Variants in STAT3 observed in about 807,000 individuals in gnomAD.
The protein encoded by STAT3 is DNA-binding protein APRF.
A neutral mutation model predicts 114.3 loss-of-function variants in STAT3; 7 were observed. The observed-to-expected ratio is 0.06, with a 90% confidence interval of 0.03 to 0.11. The LOEUF (loss-of-function observed/expected upper bound fraction) is 0.11. STAT3 is among the 10% of genes least tolerant of loss of function. The pLI, the probability that STAT3 is intolerant of heterozygous loss-of-function variation, is 1.00. For synonymous variants in STAT3, 331 were observed against 354.5 expected (o/e 0.93, Z 0.74); for missense variants, 364 against 960.9 (o/e 0.38, Z 8.21).
chr17:42,329,140 A>G (rs2144761171), intron 14 of STAT3, among the ~76,000 whole-genome samples: 1 of 152,238 alleles, frequency 6.6e-6, no homozygotes, highest in East Asian at 1.9e-4. Flanking sequence ...TTTATACCAC[A>G]TGGGTGTGGA....
chr17:42,340,355 CAA>C (rs10706259), intron 4 of STAT3, among the ~76,000 whole-genome samples: 207 of 117,008 alleles, frequency 1.8e-3, no homozygotes, highest in African/African-American at 4.2e-3. Context: ...AACTCCATCT[CAA>C]AAAAAAAAAA....
At chr17:42,340,120 G>A (rs1182993531) in intron 4 of STAT3, among the ~76,000 whole-genome samples, 1 of 152,136 alleles carries the variant, frequency 6.6e-6, no homozygotes, top group Non-Finnish European at 1.5e-5. Flanking sequence ...CACTTTGGGA[G>A]GCCAAGGTGG....
rs371933640 is a variant in STAT3 at position 42,384,132 on chromosome 17, A to ATT, written c.-24+4145_-24+4146dup. Reference sequence around the variant, plus strand: ...GTTTTATTTATTTATTTATTTATTTATTTTTTTTTTTTTTGAGACGGAGTC... The same window carrying ATT: ...GTTTTATTTATTTATTTATTTATTTATTTTTTTTTTTTTTTTGAGACGGAGTC... On this transcript the variant is annotated intron_variant, in intron 1 of 23. Coordinates refer to ENST00000264657, the MANE Select transcript of STAT3 (RefSeq NM_139276.3). Among the ~76,000 whole-genome samples the ATT allele has an allele frequency of 1.7e-3, 225 of 134,936 alleles. 1 individual carries two copies. Among genetic ancestry groups the ATT allele is most frequent in the East Asian group, 5.7e-3 (24 of 4,236 alleles). 88.5% of individuals were successfully genotyped at this position (134,936 alleles called of 152,430 possible). A position where few individuals can be genotyped will look rare whatever the true frequency, so the allele number is the denominator to read the frequency against.
intron 1 of STAT3, among the ~76,000 whole-genome samples, chr17:42,376,077 G>T (rs2084437277): frequency 6.6e-6 from 1 of 151,820 alleles, no homozygotes; most frequent in Admixed American, 6.6e-5. Flanking sequence ...CTGGAACCTG[G>T]GAGGTGGAGG....
In STAT3 at chr17:42,354,668, G is replaced by A. The variant is rs192689229; in HGVS notation, c.-23-6129C>T. On this transcript the variant is annotated intron_variant, in intron 1 of 23. Coordinates refer to ENST00000264657, the MANE Select transcript of STAT3 (RefSeq NM_139276.3). ...CTAAAAATTCAAAAATTAGCCAGGC[G>A]TGGTGGTGGGCGCCTGTAGTCTCAG... 3.4e-3 allele frequency among the ~76,000 whole-genome samples: 515 copies of A among 151,170 alleles called. 3 individuals are homozygous for A. Among genetic ancestry groups the A allele is most frequent in the African/African-American group, 0.012 (478 of 41,286 alleles).
intron 1 of STAT3, among the ~76,000 whole-genome samples, chr17:42,377,603 T>G (rs1374019882): frequency 6.6e-6 from 1 of 152,050 alleles, no homozygotes; most frequent in African/African-American, 2.4e-5. Flanking sequence ...TGGGAAAGAG[T>G]CCCAAGGATA....
At chr17:42,349,196 C>T (rs149780362) in intron 1 of STAT3, among the ~76,000 whole-genome samples, 37 of 152,280 alleles carry the variant, frequency 2.4e-4, no homozygotes, top group African/African-American at 7.9e-4. Context: ...TGACAAGTGG[C>T]TATTATGCCA....
intron 5 of STAT3, 119 bp downstream of exon 5, chr17:42,339,195 G>A (rs1465862153): frequency 2.7e-5 from 26 of 956,344 alleles, no homozygotes; most frequent in Non-Finnish European, 3.2e-5. Flanking sequence ...GGTCGAGGCT[G>A]CAGTGAGCTG....
chr17:42,375,602 G>C (rs2084404564), intron 1 of STAT3, among the ~76,000 whole-genome samples: 1 of 152,112 alleles, frequency 6.6e-6, no homozygotes, highest in South Asian at 2.1e-4. Flanking sequence ...GCTGAGGCAG[G>C]CAGATCTCCT....
rs576646181 is a variant in STAT3 at position 42,355,896 on chromosome 17, G to C, written c.-23-7357C>G. On this transcript the variant is annotated intron_variant, in intron 1 of 23. Transcript: ENST00000264657. ...TAGTGGATTTACAACGAGGGTGAGG[G>C]AAGGCGGAAAGAGAGACGAAAATCA... Among the ~76,000 whole-genome samples, 4 of 152,334 alleles carry C rather than the reference G, an allele frequency of 2.6e-5. No homozygotes were observed. In the East Asian group the frequency reaches 7.7e-4, roughly 29 times the overall value.
chr17:42,339,940 G>C (rs2082371460), intron 4 of STAT3, among the ~76,000 whole-genome samples: 1 of 152,076 alleles, frequency 6.6e-6, no homozygotes, highest in Admixed American at 6.6e-5. Flanking sequence ...TGAAGTGGGA[G>C]GACTGCTTGA....
intron 1 of STAT3, among the ~76,000 whole-genome samples, chr17:42,370,348 C>T (rs147965988): frequency 0.061 from 9,254 of 151,690 alleles, 339 homozygotes; most frequent in Non-Finnish European, 0.074. Flanking sequence ...CAGGTTCAAG[C>T]GATTCTCCTG....
At position 42,334,079 on chromosome 17, in the gene STAT3, A is replaced by G. The variant is rs774237830; in HGVS notation, c.798-30T>C. On this transcript the variant is annotated intron_variant, in intron 8 of 23. Coordinates refer to ENST00000264657, the MANE Select transcript of STAT3 (RefSeq NM_139276.3). ...CAATAAATTAAGAAAGATGCTAATT[A>G]CCAAAGTGAATGTATACAGGTGAGA... 17 of 1,613,358 alleles carry G rather than the reference A, an allele frequency of 1.1e-5. 1 individual carries two copies. In the East Asian group the frequency reaches 3.8e-4, roughly 36 times the overall value.
At chr17:42,363,188 C>T (rs985892683) in intron 1 of STAT3, among the ~76,000 whole-genome samples, 4 of 152,140 alleles carry the variant, frequency 2.6e-5, no homozygotes, top group South Asian at 2.1e-4. Context: ...GAGGACACTG[C>T]GCCCAATTAG....
chr17:42,324,923 A>G lies in STAT3; in HGVS notation c.1464+40T>C, dbSNP rs1264279909. 6.2e-7 allele frequency: 1 copy of G among 1,614,152 alleles called. No individual in the cohort carries two copies. The highest frequency in any genetic ancestry group is 1.7e-5 in the Admixed American group (1 of 60,010). On this transcript the variant is annotated intron_variant, in intron 16 of 23. Transcript: ENST00000264657. This position sits in a 1 kb window ranked among gnomAD's most constrained non-coding sequence, Gnocchi z 4.5. The stretch of plus-strand genomic sequence containing the variant: ...CTATACTAGGTACCCCTAAGTCGCA[A>G]GAGATCCCGGGGCACCAACTAAAAG...
chr17:42,368,160 G>A (rs1215779118), intron 1 of STAT3, among the ~76,000 whole-genome samples: 1 of 151,984 alleles, frequency 6.6e-6, no homozygotes, highest in Non-Finnish European at 1.5e-5. Flanking sequence ...AACATAGGAA[G>A]ACCCCATCTC....
rs2085231826 is a variant in STAT3, at chr17:42,388,376, G to A, written c.-121C>T. Reference sequence around the variant, plus strand: ...CCGAAGGGCCTCTCCGAGCCGAGGGGGAGAGACAGCGCCAAGCCGGGGTGC... The same window carrying A: ...CCGAAGGGCCTCTCCGAGCCGAGGGAGAGAGACAGCGCCAAGCCGGGGTGC... On this transcript the variant is annotated 5_prime_UTR_variant, in exon 1 of 24. Transcript: ENST00000264657. 1 of 1,231,546 alleles carries A rather than the reference G, an allele frequency of 8.1e-7. No homozygotes were observed. Among genetic ancestry groups the A allele is most frequent in the Non-Finnish European group, 1.0e-6 (1 of 987,918 alleles). The allele number at this position is 1,231,546 out of a possible 1,614,324, so 76.3% of individuals were successfully genotyped here.
chr17:42,383,961 T>C lies in STAT3; in HGVS notation c.-24+4318A>G, dbSNP rs544929576. The stretch of plus-strand genomic sequence containing the variant: ...AGTCAGGATACCTACCTTTGTACAA[T>C]GTCAGACTCCAGTTAATAACTCCCC... On this transcript the variant is annotated intron_variant, in intron 1 of 23. Coordinates refer to ENST00000264657, the MANE Select transcript of STAT3 (RefSeq NM_139276.3). Among the ~76,000 whole-genome samples, 33 of 152,300 alleles carry C rather than the reference T, an allele frequency of 2.2e-4. No homozygotes were observed. The South Asian group carries it at 6.6e-3, about 31-fold the overall frequency.
Position 42,315,751 on chromosome 17 carries a change from G to C in STAT3, c.2307C>G (p.Pro769=), listed in dbSNP as rs2081221437. The change falls in exon 24 of 24, where the codon CCC becomes CCG. Residue 769 remains proline, a synonymous_variant. Coordinates refer to ENST00000264657, the MANE Select transcript of STAT3 (RefSeq NM_139276.3). ...MELTSECATS[P]M is the part of the protein sequence containing the mutation. ...AGCTTCCGTTCTCAGCTCCTCACAT[G>C]GGGGAGGTAGCGCACTCCGAGGTCA... 1 of 1,613,888 alleles carries C rather than the reference G, an allele frequency of 6.2e-7. No homozygotes were observed. Among genetic ancestry groups the C allele is most frequent in the South Asian group, 1.1e-5 (1 of 91,080 alleles).
Sources: gnomAD v4.1 joint callset for allele counts (sites outside exome capture counted in the v4.1 genomes callset) on GRCh38, gnomAD v4.1.1 for gene constraint, Gnocchi (gnomAD v3.1) non-coding constraint, MANE v1.5 for transcripts, NCBI Gene and HGNC (gene_info 2026-07-23, HGNC 2026-07-21) for gene names.